The following PHLDB3 variants were observed in gnomAD, a reference collection of about 807,000 sequenced individuals.
PHLDB3 encodes pleckstrin homology-like domain family B member 3.
A neutral mutation model predicts 85.7 loss-of-function variants in PHLDB3; 86 were observed. That is an observed-to-expected ratio of 1.00 (90% CI 0.84 to 1.20). The LOEUF (loss-of-function observed/expected upper bound fraction) is 1.20, where lower values mean the gene tolerates loss of function less well. PHLDB3 is among the 50% of genes most tolerant of loss of function. The pLI is 0.00. For missense variants in PHLDB3, 995 were observed against 873.0 expected (o/e 1.14, Z -1.76); for synonymous variants, 376 against 349.8 (o/e 1.07, Z -0.83).
In PHLDB3 at chr19:43,495,328, C is replaced by T. The variant is rs1297285345; in HGVS notation, c.963G>A (p.Arg321=). ...CCTGAAGGCAATTGAGCTCGAGCAG[C>T]CGGCTCCGTTCCTACCAGAAGATAT... is the stretch of plus-strand genomic sequence containing the variant. The part of the protein sequence containing the change: ...ALQALSQERS[R]LLELNCLQGT... Residue 321 remains arginine, a synonymous_variant, in exon 8 of 16, where the codon CGG becomes CGA. Transcript: ENST00000292140. 3 of 1,613,392 alleles carry T rather than the reference C, an allele frequency of 1.9e-6. No individual in the cohort carries two copies. The highest frequency in any genetic ancestry group is 1.7e-6 in the Non-Finnish European group (2 of 1,179,652).
chr19:43,491,226 C>G (rs1044690973), intron 9 of PHLDB3, among the ~76,000 whole-genome samples: 19 of 152,294 alleles, frequency 1.2e-4, no homozygotes, highest in African/African-American at 3.4e-4. Context: ...CATCAGGTTT[C>G]CAGGGGAAGC....
intron 13 of PHLDB3, 165 bp downstream of exon 13, chr19:43,486,101 A>G (rs1971148408): frequency 2.0e-6 from 2 of 985,324 alleles, no homozygotes; most frequent in South Asian, 9.4e-5. Context: ...TCATCCGGTC[A>G]TGGGAACAGG....
chr19:43,491,927 G>A (rs1171737025), intron 9 of PHLDB3, among the ~76,000 whole-genome samples: 1 of 137,598 alleles, frequency 7.3e-6, no homozygotes, highest in Non-Finnish European at 1.5e-5. Context: ...TTACCAGCGT[G>A]AGCCACTGCA....
intron 13 of PHLDB3, among the ~76,000 whole-genome samples, chr19:43,484,306 T>C (rs567887281): frequency 6.7e-5 from 10 of 148,174 alleles, no homozygotes; most frequent in Non-Finnish European, 1.3e-4. Flanking sequence ...TAAAAACATA[T>C]TTTGGAGACA....
chr19:43,501,756 CGCTGCTCCGAGGCCGCCT>C lies in PHLDB3; in HGVS notation c.494_511del (p.Gln165_Gln170del). 1 of 1,583,882 alleles carries C rather than the reference CGCTGCTCCGAGGCCGCCT, an allele frequency of 6.3e-7. No homozygotes were observed. Among genetic ancestry groups the C allele is most frequent in the Non-Finnish European group, 8.5e-7 (1 of 1,169,978 alleles). ...GACCTGTTCCCGCTGCTGGCGGCCG[CGCTGCTCCGAGGCCGCCT>C]GCTGCTCCAGCAGCTCCCGCAGCTG... On this transcript the variant is annotated inframe_deletion, in exon 4 of 16. Transcript: ENST00000292140.
At chr19:43,503,279 G>GTTCTCTCTCT (rs1971660977) in intron 2 of PHLDB3, among the ~76,000 whole-genome samples, 1 of 91,138 alleles carries the variant, frequency 1.1e-5, no homozygotes, top group African/African-American at 4.6e-5. Flanking sequence ...CTGTCTATCT[G>GTTCTCTCTCT]GTCTCTCTCT....
intron 13 of PHLDB3, among the ~76,000 whole-genome samples, chr19:43,480,505 A>G (rs142538448): frequency 7.6e-4 from 115 of 152,108 alleles, no homozygotes; most frequent in African/African-American, 2.5e-3. Context: ...GCCCAGGAGG[A>G]TCACTTGAGC....
chr19:43,502,751 C>T (rs544392852), intron 2 of PHLDB3, among the ~76,000 whole-genome samples: 1 of 151,894 alleles, frequency 6.6e-6, no homozygotes, highest in Admixed American at 6.6e-5. Flanking sequence ...CCACCGCGCC[C>T]GGCCTCAGAC....
chr19:43,479,332 G>A, intron 14 of PHLDB3, 45 bp downstream of exon 14: 2 of 1,533,344 alleles, frequency 1.3e-6, no homozygotes, highest in Admixed American at 3.9e-5. Flanking sequence ...CCTCCGGAGT[G>A]GAATTCCAGC....
intron 1 of PHLDB3, 31 bp downstream of exon 1, chr19:43,504,558 G>A (rs1213787751): frequency 5.7e-6 from 1 of 176,586 alleles, no homozygotes; most frequent in Non-Finnish European, 1.2e-5. Context: ...CGACCCCACT[G>A]TGCAGGGCAA....
chr19:43,475,226 C>A lies in PHLDB3; in HGVS notation c.*184G>T, dbSNP rs548022969. On this transcript the variant is annotated 3_prime_UTR_variant, in exon 16 of 16. Transcript: ENST00000292140. ...TAGGGGCCGGCGATCCCGTCGGGGG[C>A]AAGGCACCTGCAACCCAGAACGCAG... The A allele has an allele frequency of 2.2e-5, 17 of 786,934 alleles. No homozygotes were observed. Among genetic ancestry groups the A allele is most frequent in the East Asian group, 8.5e-5 (3 of 35,230 alleles). 48.7% of individuals were successfully genotyped at this position (786,934 alleles called of 1,614,324 possible).
At position 43,500,923 on chromosome 19, in the gene PHLDB3, C is replaced by T. The variant is rs543061576; in HGVS notation, c.534+811G>A. The stretch of plus-strand genomic sequence containing the variant: ...CCGCCCCCCGTACCCCCCCCCCACC[C>T]CGCAAGTACTGGGATTACAGGTGTG... On this transcript the variant is annotated intron_variant, in intron 4 of 15. Transcript: ENST00000292140. Among the ~76,000 whole-genome samples, 77 of 105,846 alleles carry T rather than the reference C, an allele frequency of 7.3e-4. 5 individuals carry two copies. The highest frequency in any genetic ancestry group is 2.4e-3 in the African/African-American group (73 of 30,900). The allele number at this position is 105,846 out of a possible 152,430, so 69.4% of individuals were successfully genotyped here.
At position 43,504,001 on chromosome 19, in the gene PHLDB3, C is replaced by T; in HGVS notation, c.118G>A (p.Val40Ile). 2 of 1,613,938 alleles carry T rather than the reference C, an allele frequency of 1.2e-6. No individual in the cohort carries two copies. The highest frequency in any genetic ancestry group is 1.7e-6 in the Non-Finnish European group (2 of 1,179,814). Reference protein sequence around the residue: ...EESREQEASEVLAEPSSRGGA... With the variant: ...EESREQEASEILAEPSSRGGA... ...CCGCGGCTCGAAGGTTCCGCCAGGA[C>T]TTCGGATGCCTCCTGTTCCCGGGAC... is the stretch of plus-strand genomic sequence containing the variant. The change falls in exon 2 of 16, where the codon GTC (valine) becomes ATC (isoleucine). Residue 40 changes from valine to isoleucine, a missense_variant. By Grantham distance (29) the Val-to-Ile change is conservative. Coordinates refer to ENST00000292140, the MANE Select transcript of PHLDB3 (RefSeq NM_198850.4).
Position 43,494,233 on chromosome 19 carries a change from C to A in PHLDB3, c.1149+469G>T, listed in dbSNP as rs558951659. Among the ~76,000 whole-genome samples the A allele has an allele frequency of 1.6e-3, 240 of 152,250 alleles. 1 individual carries two copies. Among genetic ancestry groups the A allele is most frequent in the Non-Finnish European group, 2.6e-3 (174 of 68,024 alleles). On this transcript the variant is annotated intron_variant, in intron 9 of 15. Transcript: ENST00000292140. ...CCATATTGGCCAGGCTGGTCTCGAA[C>A]TCCTGACCTCAGGTCATCCGCTTGC...
intron 9 of PHLDB3, among the ~76,000 whole-genome samples, chr19:43,494,138 A>G (rs12985104): frequency 6.6e-6 from 1 of 152,054 alleles, no homozygotes; most frequent in East Asian, 1.9e-4. Flanking sequence ...GGTTCAAGTA[A>G]TTCTCGTGCC....
chr19:43,477,399 C>T (rs1333462723), intron 15 of PHLDB3, among the ~76,000 whole-genome samples: 1 of 151,020 alleles, frequency 6.6e-6, no homozygotes, highest in Non-Finnish European at 1.5e-5. Context: ...CGCCTGTAAT[C>T]CCAACTACTT....
At chr19:43,489,355 A>G (rs1306764797) in intron 9 of PHLDB3, among the ~76,000 whole-genome samples, 1 of 143,492 alleles carries the variant, frequency 7.0e-6, no homozygotes, top group African/African-American at 2.6e-5. Flanking sequence ...CGACAGTGAG[A>G]TCTATCTCTT....
intron 13 of PHLDB3, 98 bp downstream of exon 13, chr19:43,486,168 A>G (rs1204298484): frequency 3.7e-6 from 5 of 1,337,774 alleles, no homozygotes; most frequent in Admixed American, 3.0e-5. Flanking sequence ...TTTCTGTTCA[A>G]TTGGAGGAGA....
intron 9 of PHLDB3, 74 bp from the exon 10 acceptor site, chr19:43,487,197 A>C (rs1971190759): frequency 8.1e-7 from 1 of 1,233,274 alleles, no homozygotes. Context: ...CTGCCCAGTG[A>C]AGCCACCACC....
Sources: gnomAD v4.1 joint callset for allele counts (sites outside exome capture counted in the v4.1 genomes callset) on GRCh38, gnomAD v4.1.1 for gene constraint, MANE v1.5 for transcripts, NCBI Gene and HGNC (gene_info 2026-07-23, HGNC 2026-07-21) for gene names.